The following KLHL18 variants were observed in gnomAD, a reference collection of about 807,000 sequenced individuals.
The protein encoded by KLHL18 is kelch like family member 18.
Under a neutral mutation model 58.5 loss-of-function variants are expected in KLHL18, and 38 were observed. That is an observed-to-expected ratio of 0.65 (90% CI 0.50 to 0.85). The LOEUF is 0.85. Among genes scored for constraint, KLHL18 ranks in the 40% least tolerant of loss-of-function variants. The pLI, the probability that KLHL18 is intolerant of heterozygous loss-of-function variation, is 0.00. For synonymous variants in KLHL18, 303 were observed against 301.9 expected (o/e 1.00, Z -0.04); for missense variants, 624 against 778.4 (o/e 0.80, Z 2.36).
chr3:47,295,002 G>A (rs1702867978), intron 1 of KLHL18, among the ~76,000 whole-genome samples: 3 of 152,142 alleles, frequency 2.0e-5, no homozygotes, highest in African/African-American at 7.2e-5. Context: ...TCAGCTCTTG[G>A]TGGTTGTAAA....
intron 1 of KLHL18, among the ~76,000 whole-genome samples, chr3:47,308,025 T>G (rs1204564691): frequency 6.6e-6 from 1 of 152,194 alleles, no homozygotes; most frequent in African/African-American, 2.4e-5. Context: ...TCCCTACTGC[T>G]TCTCCATTTT....
At chr3:47,320,590 C>T (rs295433) in intron 2 of KLHL18, among the ~76,000 whole-genome samples, 46,353 of 151,956 alleles carry the variant, frequency 0.31, 7,439 homozygotes, top group Non-Finnish European at 0.37. Flanking sequence ...GCCCCAATAC[C>T]GGAAGAGGAT....
chr3:47,342,808 A>T lies in KLHL18; in HGVS notation c.1316A>T (p.Asp439Val), dbSNP rs1704137931. The T allele has an allele frequency of 1.2e-6, 2 of 1,613,958 alleles. No homozygotes were observed. The highest frequency in any genetic ancestry group is 8.5e-7 in the Non-Finnish European group (1 of 1,179,946). The change falls in exon 9 of 10, where the codon GAT (aspartate) becomes GTT (valine). Residue 439 changes from aspartate (D) to valine (V), a missense_variant. By Grantham distance (152) the Asp-to-Val change is radical. Transcript: ENST00000232766. ...EGRIYVSGGH[D>V]GLQIFSSVEH... ...AGGATATATGTGTCAGGCGGCCATG[A>T]TGGTTTGCAGATCTTCAGCAGTGTG...
chr3:47,298,796 G>A (rs764672459), intron 1 of KLHL18, among the ~76,000 whole-genome samples: 9 of 152,102 alleles, frequency 5.9e-5, no homozygotes, highest in Non-Finnish European at 8.8e-5. Context: ...AAATGAAATC[G>A]TAGAGTTCGT....
rs1702822202 is a variant in KLHL18 at position 47,292,983 on chromosome 3, A to G, written c.129+9889A>G. On this transcript the variant is annotated intron_variant, in intron 1 of 9. Coordinates refer to ENST00000232766, the MANE Select transcript of KLHL18 (RefSeq NM_025010.5). Reference sequence around the variant, plus strand: ...AAAAAGAAGAAAATTCTGCTGCAACATGGGTGAACCTTGAAGACATTACAC... The same window carrying G: ...AAAAAGAAGAAAATTCTGCTGCAACGTGGGTGAACCTTGAAGACATTACAC... Among the ~76,000 whole-genome samples the G allele has an allele frequency of 2.0e-5, 3 of 152,156 alleles. No homozygotes were observed. The South Asian group carries it at 6.2e-4, about 32-fold the overall frequency.
intron 3 of KLHL18, among the ~76,000 whole-genome samples, chr3:47,323,966 T>TGTACAGCTAATCA (rs1232990963): frequency 1.3e-5 from 2 of 152,216 alleles, no homozygotes; most frequent in Non-Finnish European, 2.9e-5. Flanking sequence ...TACTGCTGTG[T>TGTACAGCTAATCA]GTACAGCTAA....
At chr3:47,299,859 T>A (rs561625421) in intron 1 of KLHL18, among the ~76,000 whole-genome samples, 11 of 140,364 alleles carry the variant, frequency 7.8e-5, no homozygotes, top group African/African-American at 2.9e-4. Context: ...AAAAAAAGAT[T>A]GCAAGATAAA....
chr3:47,335,207 G>A (rs964689170), intron 6 of KLHL18, among the ~76,000 whole-genome samples: 13 of 152,106 alleles, frequency 8.5e-5, no homozygotes, highest in South Asian at 4.1e-4. Flanking sequence ...CTTCAGCCCC[G>A]GATAGGATAC....
Position 47,345,569 on chromosome 3 carries a change from G to T in KLHL18, c.*1628G>T, listed in dbSNP as rs1297702487. 2 of 152,672 alleles carry T rather than the reference G, an allele frequency of 1.3e-5. No individual in the cohort carries two copies. The highest frequency in any genetic ancestry group is 2.9e-5 in the Non-Finnish European group (2 of 68,068). The allele number at this position is 152,672 out of a possible 1,614,324, so 9.5% of individuals were successfully genotyped here. ...AAGAGGAGGACATTTTCTCTTGCCAGTGCACTGGGCAGTGGGGCTGTCCTT... is the reference window on the plus strand; with the variant it reads ...AAGAGGAGGACATTTTCTCTTGCCATTGCACTGGGCAGTGGGGCTGTCCTT... On this transcript the variant is annotated 3_prime_UTR_variant, in exon 10 of 10. Coordinates refer to ENST00000232766, the MANE Select transcript of KLHL18 (RefSeq NM_025010.5).
intron 1 of KLHL18, among the ~76,000 whole-genome samples, chr3:47,314,521 C>T (rs867518653): frequency 3.3e-5 from 5 of 150,626 alleles, no homozygotes; most frequent in Admixed American, 6.6e-5. Context: ...TTGTGAAGAA[C>T]GGAGTCTCGC....
At position 47,343,615 on chromosome 3, in the gene KLHL18, C is replaced by T. The variant is rs746915955; in HGVS notation, c.1399C>T (p.Arg467Cys). The T allele has an allele frequency of 3.1e-6, 5 of 1,614,004 alleles. No homozygotes were observed. The highest frequency in any genetic ancestry group is 1.7e-4 in the Middle Eastern group (1 of 6,030). Residue 467 changes from arginine to cysteine, a missense_variant, in exon 10 of 10, where the codon CGC becomes TGC. Arg to Cys is a radical substitution (Grantham distance 180). Coordinates refer to ENST00000232766, the MANE Select transcript of KLHL18 (RefSeq NM_025010.5). ...WHPAAGMLNK[R>C]CRHGAASLGS... is the part of the protein sequence containing the mutation. ...CCCTGCAGCTGGCATGCTCAACAAG[C>T]GCTGCCGGCACGGAGCCGCCTCCCT...
At chr3:47,297,261 G>T (rs1023541027) in intron 1 of KLHL18, among the ~76,000 whole-genome samples, 2 of 152,080 alleles carry the variant, frequency 1.3e-5, no homozygotes, top group Non-Finnish European at 2.9e-5. Flanking sequence ...TATTATACTT[G>T]CCATCAGTTT....
At chr3:47,314,838 G>C (rs1703384786) in intron 1 of KLHL18, among the ~76,000 whole-genome samples, 1 of 152,078 alleles carries the variant, frequency 6.6e-6, no homozygotes, top group Admixed American at 6.5e-5. Flanking sequence ...ATCTAGACAA[G>C]GTCCAATTTG....
At chr3:47,335,872 G>T (rs1056305916) in intron 6 of KLHL18, among the ~76,000 whole-genome samples, 20 of 152,256 alleles carry the variant, frequency 1.3e-4, no homozygotes, top group African/African-American at 4.8e-4. Context: ...TAATCAGAGG[G>T]CCTGGAACAG....
intron 1 of KLHL18, among the ~76,000 whole-genome samples, chr3:47,305,878 A>G (rs1703136467): frequency 6.6e-6 from 1 of 152,106 alleles, no homozygotes; most frequent in Non-Finnish European, 1.5e-5. Flanking sequence ...ATTTATGTGT[A>G]GAGTTGTTCA....
chr3:47,333,165 A>G lies in KLHL18; in HGVS notation c.609A>G (p.Glu203=). ...ATCCACTCTCATGACAGGTCTTTGAAGCTGCATTGGCCTGGGTCAGATACG... is the reference window on the plus strand; with the variant it reads ...ATCCACTCTCATGACAGGTCTTTGAGGCTGCATTGGCCTGGGTCAGATACG... ...LNVKSEEQVF[E]AALAWVRYDR... is the part of the protein sequence containing the mutation. The change falls in exon 5 of 10, where the codon GAA becomes GAG. Residue 203 remains glutamate, a synonymous_variant. Transcript: ENST00000232766. 1 of 1,613,230 alleles carries G rather than the reference A, an allele frequency of 6.2e-7. No homozygotes were observed. Among genetic ancestry groups the G allele is most frequent in the Non-Finnish European group, 8.5e-7 (1 of 1,179,564 alleles).
chr3:47,283,248 A>G lies in KLHL18; in HGVS notation c.129+154A>G, dbSNP rs572032019. On this transcript the variant is annotated intron_variant, in intron 1 of 9. Coordinates refer to ENST00000232766, the MANE Select transcript of KLHL18 (RefSeq NM_025010.5). ...GTAGTGGGGAGAGAGGTGCCGAGCA[A>G]AAGGGGATCGGGGCCGAGTGGGGAG... 2.5e-5 allele frequency: 17 copies of G among 690,094 alleles called. No individual in the cohort carries two copies. In the African/African-American group the frequency reaches 2.9e-4, roughly 12 times the overall value. 42.7% of individuals were successfully genotyped at this position (690,094 alleles called of 1,614,324 possible).
rs1441755063 is a variant in KLHL18, at chr3:47,345,663, G to A, written c.*1722G>A. 6.6e-6 allele frequency: 1 copy of A among 152,568 alleles called. No homozygotes were observed. The highest frequency in any genetic ancestry group is 1.5e-5 in the Non-Finnish European group (1 of 68,048). 9.5% of individuals were successfully genotyped at this position (152,568 alleles called of 1,614,324 possible). A position where few individuals can be genotyped will look rare whatever the true frequency, so the allele number is the denominator to read the frequency against. On this transcript the variant is annotated 3_prime_UTR_variant, in exon 10 of 10. Coordinates refer to ENST00000232766, the MANE Select transcript of KLHL18 (RefSeq NM_025010.5). ...GAGACTAAAAGAAGATTCAATTCCT[G>A]TAACCCAAGACTGAGTCTTAGGGCT...
At chr3:47,287,873 G>C (rs753853777) in intron 1 of KLHL18, among the ~76,000 whole-genome samples, 1 of 152,088 alleles carries the variant, frequency 6.6e-6, no homozygotes, top group Non-Finnish European at 1.5e-5. Flanking sequence ...TTTTGAATTT[G>C]TTTTAGCTTC....
Sources: allele counts gnomAD v4.1 joint callset (sites outside exome capture counted in the v4.1 genomes callset), GRCh38; gene constraint gnomAD v4.1.1; transcripts MANE v1.5; gene names NCBI Gene and HGNC (gene_info 2026-07-23, HGNC 2026-07-21).